The following PRKCB variants were observed in gnomAD, a reference collection of about 807,000 sequenced individuals.
PRKCB encodes the protein protein kinase C beta type.
Under a neutral mutation model 81.5 loss-of-function variants are expected in PRKCB, and 13 were observed. The observed-to-expected ratio is 0.16, with a 90% CI of 0.10 to 0.25. PRKCB has a LOEUF of 0.25. Among genes scored for constraint, PRKCB ranks in the 10% least tolerant of loss-of-function variants. The pLI, the probability that PRKCB is intolerant of heterozygous loss-of-function variation, is 1.00. For missense variants in PRKCB, 509 were observed against 875.7 expected, an observed-to-expected ratio of 0.58 and a Z score of 5.29; for synonymous variants, 335 against 321.4, an observed-to-expected ratio of 1.04 and a Z score of -0.45.
At chr16:24,086,125 G>A (rs1012365845) in intron 5 of PRKCB, among the ~76,000 whole-genome samples, 1 of 152,066 alleles carries the variant, frequency 6.6e-6, no homozygotes, top group East Asian at 1.9e-4. Flanking sequence ...GGGATTTCAG[G>A]GCTCATAAAA....
rs1029633680 is a variant in PRKCB at position 24,193,472 on chromosome 16, T to A, written c.1863+2242T>A. 5.4e-3 allele frequency among the ~76,000 whole-genome samples: 559 copies of A among 103,156 alleles called. 8 individuals are homozygous for A. Among genetic ancestry groups the A allele is most frequent in the Admixed American group, 0.024 (245 of 10,234 alleles). 67.7% of individuals were successfully genotyped at this position (103,156 alleles called of 152,430 possible). A position where few individuals can be genotyped will look rare whatever the true frequency, so the allele number is the denominator to read the frequency against. ...ATAAATAAATAAATAAATAAATAAA[T>A]AAATAAATAAATAAATAAATAAATA... is the stretch of plus-strand genomic sequence containing the variant. On this transcript the variant is annotated intron_variant, in intron 16 of 16. Transcript: ENST00000643927.
At chr16:24,121,607 C>T (rs1966799129) in intron 8 of PRKCB, among the ~76,000 whole-genome samples, 1 of 152,124 alleles carries the variant, frequency 6.6e-6, no homozygotes, top group Non-Finnish European at 1.5e-5. Context: ...GAACTCCTGG[C>T]CTCAAGCAGT....
intron 2 of PRKCB, among the ~76,000 whole-genome samples, chr16:23,944,783 T>G (rs1016086093): frequency 1.3e-5 from 2 of 152,222 alleles, no homozygotes; most frequent in African/African-American, 4.8e-5. Flanking sequence ...GGTTTCTGGG[T>G]CACAGTGCAG....
At chr16:24,022,596 A>G (rs1166033644) in intron 3 of PRKCB, among the ~76,000 whole-genome samples, 1 of 152,016 alleles carries the variant, frequency 6.6e-6, no homozygotes. Flanking sequence ...GGTTCATGCC[A>G]TTATCCTGCC....
intron 2 of PRKCB, among the ~76,000 whole-genome samples, chr16:23,934,385 T>G (rs923489936): frequency 2.6e-5 from 4 of 151,726 alleles, no homozygotes; most frequent in Non-Finnish European, 5.9e-5. Context: ...GGAGCTTCTT[T>G]CAACATATTC....
At chr16:23,877,184 T>TA (rs201029813) in intron 2 of PRKCB, among the ~76,000 whole-genome samples, 48 of 149,506 alleles carry the variant, frequency 3.2e-4, no homozygotes, top group East Asian at 7.8e-4. Flanking sequence ...ACCCTGTCCT[T>TA]AAAAAAAAAC....
At position 24,220,130 on chromosome 16, in the gene PRKCB, T is replaced by C. The variant is rs1567418101; in HGVS notation, c.*5314T>C. 6.2e-7 allele frequency: 1 copy of C among 1,613,902 alleles called. No individual in the cohort carries two copies. The highest frequency in any genetic ancestry group is 1.7e-5 in the Admixed American group (1 of 60,024). ...AATGTGTAGGTGAATGCAAACTCCA[T>C]CGTTGAGCCTGGGGTGTAAGACTTC... On this transcript the variant is annotated 3_prime_UTR_variant, in exon 17 of 17. Transcript: ENST00000643927.
At chr16:23,934,822 G>A (rs1291865048) in intron 2 of PRKCB, among the ~76,000 whole-genome samples, 3 of 152,136 alleles carry the variant, frequency 2.0e-5, no homozygotes, top group Non-Finnish European at 2.9e-5. Flanking sequence ...TGGGTGGGGA[G>A]GAAAGAGGAG....
chr16:24,036,871 G>A (rs1174830463), intron 5 of PRKCB, among the ~76,000 whole-genome samples: 3 of 152,136 alleles, frequency 2.0e-5, no homozygotes, highest in Non-Finnish European at 2.9e-5. Flanking sequence ...GTCATTCTGT[G>A]GGAAATACAC....
At chr16:23,994,825 A>G (rs573383517) in intron 3 of PRKCB, among the ~76,000 whole-genome samples, 5 of 152,324 alleles carry the variant, frequency 3.3e-5, no homozygotes, top group East Asian at 3.9e-4. Flanking sequence ...AAGGCTAGCA[A>G]TACACCTTCA....
chr16:23,897,852 C>T (rs115509682), intron 2 of PRKCB, among the ~76,000 whole-genome samples: 2,493 of 152,084 alleles, frequency 0.016, 63 homozygotes, highest in African/African-American at 0.057. Context: ...CACCCATCCA[C>T]CCACCCATCC....
At chr16:23,939,560 A>G (rs1005379572) in intron 2 of PRKCB, among the ~76,000 whole-genome samples, 3 of 152,208 alleles carry the variant, frequency 2.0e-5, no homozygotes, top group East Asian at 3.8e-4. Context: ...CCACACAAGT[A>G]TGCTCAATTG....
At chr16:23,982,081 T>C in intron 2 of PRKCB, among the ~76,000 whole-genome samples, 1 of 87,204 alleles carries the variant, frequency 1.1e-5, no homozygotes. Flanking sequence ...TCCCTTCCCT[T>C]TCCCTTCCCT....
At chr16:24,083,314 A>G (rs1040323531) in intron 5 of PRKCB, among the ~76,000 whole-genome samples, 3 of 152,228 alleles carry the variant, frequency 2.0e-5, no homozygotes, top group Non-Finnish European at 4.4e-5. Flanking sequence ...ACAAACGCAT[A>G]TAACTGAATG....
chr16:24,035,293 G>C, intron 4 of PRKCB, 126 bp from the exon 5 acceptor site: 1 of 1,284,206 alleles, frequency 7.8e-7, no homozygotes, highest in Non-Finnish European at 1.1e-6. Flanking sequence ...TCTCAGCCAG[G>C]CTCGTGTGTC....
intron 5 of PRKCB, among the ~76,000 whole-genome samples, chr16:24,045,436 G>A (rs893588620): frequency 2.6e-5 from 4 of 152,106 alleles, no homozygotes; most frequent in African/African-American, 4.8e-5. Flanking sequence ...TTGCTGAGTC[G>A]CATATGTTCT....
chr16:24,146,839 A>G (rs1254350226), intron 9 of PRKCB, among the ~76,000 whole-genome samples: 1 of 152,204 alleles, frequency 6.6e-6, no homozygotes, highest in Non-Finnish European at 1.5e-5. Flanking sequence ...AGAGAGGGAC[A>G]GCTGAACAAA....
intron 2 of PRKCB, among the ~76,000 whole-genome samples, chr16:23,884,964 T>C (rs986384247): frequency 3.6e-3 from 35 of 9,658 alleles, no homozygotes; most frequent in Admixed American, 0.032. Flanking sequence ...GTTCTCAAGA[T>C]GGATGATCTT....
In PRKCB at chr16:23,928,722, G is replaced by GT. The variant is rs200213909; in HGVS notation, c.206-59778dup. 5.7e-3 allele frequency among the ~76,000 whole-genome samples: 864 copies of GT among 151,276 alleles called. 13 individuals are homozygous for GT. Among genetic ancestry groups the GT allele is most frequent in the Non-Finnish European group, 8.2e-3 (558 of 67,660 alleles). On this transcript the variant is annotated intron_variant, in intron 2 of 16. Transcript: ENST00000643927. ...CTAGTGGTTTTGTTTTGTTTTGTTT[G>GT]TTTTTTTTGTTTTGAGATGGGGCCT...
Sources: gnomAD v4.1 joint callset for allele counts (sites outside exome capture counted in the v4.1 genomes callset) on GRCh38, gnomAD v4.1.1 for gene constraint, MANE v1.5 for transcripts, NCBI Gene and HGNC (gene_info 2026-07-23, HGNC 2026-07-21) for gene names.